Variants in SLC2A11 observed in about 807,000 individuals in gnomAD.
SLC2A11 encodes solute carrier family 2 member 11, also known as solute carrier family 2, facilitated glucose transporter member 11.
Under a neutral mutation model 52.1 loss-of-function variants are expected in SLC2A11, and 43 were observed. The ratio of observed to expected loss-of-function variants is 0.82; its 90% CI spans 0.65 to 1.06. The LOEUF (loss-of-function observed/expected upper bound fraction) is 1.06. Ranked by LOEUF, SLC2A11 falls within the 50% of genes least tolerant of loss-of-function variation. The pLI is 0.00. For missense variants in SLC2A11, 582 were observed against 654.2 expected (o/e 0.89, Z 1.20); for synonymous variants, 261 against 277.6 (o/e 0.94, Z 0.59).
rs960985825 is a variant in SLC2A11, at chr22:23,869,999, C to T, written c.290+1358C>T. 25 of 717,492 alleles carry T rather than the reference C, an allele frequency of 3.5e-5. No individual in the cohort carries two copies. The Admixed American group carries it at 5.0e-4, about 14-fold the overall frequency. 44.4% of individuals were successfully genotyped at this position (717,492 alleles called of 1,614,324 possible). A position where few individuals can be genotyped will look rare whatever the true frequency, so the allele number is the denominator to read the frequency against. ...GTGGAGTTCTCATGGCCTAATCAAT[C>T]TCCCAAAGGCCCACCTCTAAATACC... On this transcript the variant is annotated intron_variant, in intron 3 of 11. Transcript: ENST00000316185.
At chr22:23,878,570 A>G (rs990954175) in intron 6 of SLC2A11, among the ~76,000 whole-genome samples, 2 of 152,200 alleles carry the variant, frequency 1.3e-5, no homozygotes, top group African/African-American at 4.8e-5. Flanking sequence ...TTAACATTCC[A>G]TTGGCCAAAG....
chr22:23,876,571 T>C (rs1445044298), intron 4 of SLC2A11, among the ~76,000 whole-genome samples: 1 of 152,080 alleles, frequency 6.6e-6, no homozygotes, highest in Non-Finnish European at 1.5e-5. Flanking sequence ...CTGAGGGCAG[T>C]GTAGGTGCCA....
intron 1 of SLC2A11, among the ~76,000 whole-genome samples, chr22:23,859,049 G>T (rs537089806): frequency 1.4e-4 from 21 of 152,214 alleles, no homozygotes; most frequent in Non-Finnish European, 2.9e-4. Flanking sequence ...TGATCTCATT[G>T]AATTCAACGA....
chr22:23,885,213 G>T lies in SLC2A11; in HGVS notation c.*364G>T. 4.9e-6 allele frequency: 2 copies of T among 405,836 alleles called. No individual in the cohort carries two copies. The highest frequency in any genetic ancestry group is 4.1e-5 in the Admixed American group (1 of 24,262). The allele number at this position is 405,836 out of a possible 1,614,324, so 25.1% of individuals were successfully genotyped here. On this transcript the variant is annotated 3_prime_UTR_variant, in exon 12 of 12. Transcript: ENST00000316185. ...TACAAAAAATTTTAAACATTAGCTG[G>T]GCATGGTGGTATGTGCTAACAGCTC...
rs1366519592 is a variant in SLC2A11, at chr22:23,884,967, T to G, written c.*118T>G. On this transcript the variant is annotated 3_prime_UTR_variant, in exon 12 of 12. Transcript: ENST00000316185. This position sits in a 1 kb window ranked among gnomAD's most constrained non-coding sequence, Gnocchi z 4.3. ...TTTAAGGAGTGTTTATTGAGCACCC[T>G]TTGTGTGCAGACATGGCTCCAGGTG... 1 of 802,216 alleles carries G rather than the reference T, an allele frequency of 1.2e-6. No homozygotes were observed. Among genetic ancestry groups the G allele is most frequent in the Non-Finnish European group, 2.0e-6 (1 of 508,308 alleles). 49.7% of individuals were successfully genotyped at this position (802,216 alleles called of 1,614,324 possible).
chr22:23,857,423 A>G, upstream of SLC2A11: 2 of 1,607,770 alleles, frequency 1.2e-6, no homozygotes, highest in African/African-American at 2.7e-5. Flanking sequence ...GCCTGCAGAG[A>G]TGAGCTTGGG....
intron 1 of SLC2A11, among the ~76,000 whole-genome samples, chr22:23,861,099 C>T (rs934294820): frequency 2.1e-4 from 32 of 152,054 alleles, no homozygotes; most frequent in African/African-American, 7.7e-4. Context: ...CCCGCCTCGG[C>T]CTCCCAAAGT....
At chr22:23,862,273 G>A (rs1358608756) in intron 2 of SLC2A11, 71 bp downstream of exon 2, 1 of 1,432,618 alleles carries the variant, frequency 7.0e-7, no homozygotes, top group Non-Finnish European at 9.8e-7. Flanking sequence ...CCACTGAGGG[G>A]CTTCAGCCAG....
intron 1 of SLC2A11, among the ~76,000 whole-genome samples, chr22:23,859,569 C>A (rs1371058030): frequency 6.6e-6 from 1 of 152,122 alleles, no homozygotes; most frequent in Non-Finnish European, 1.5e-5. Context: ...CTTACTGCAA[C>A]CTCCGCCTCC....
At chr22:23,857,170 G>C, upstream of SLC2A11, 1 of 964,384 alleles carries the variant, frequency 1.0e-6, no homozygotes, top group South Asian at 1.6e-5. Context: ...CCGAGGTTCT[G>C]GCGGCCGGCA....
chr22:23,873,608 G>A (rs1408403219), intron 3 of SLC2A11, among the ~76,000 whole-genome samples: 1 of 152,104 alleles, frequency 6.6e-6, no homozygotes, highest in African/African-American at 2.4e-5. Flanking sequence ...GCACCCAGCT[G>A]CTGCTATATA....
At chr22:23,882,396 C>T in intron 6 of SLC2A11, 63 bp from the exon 7 acceptor site, 1 of 1,409,482 alleles carries the variant, frequency 7.1e-7, no homozygotes, top group Non-Finnish European at 9.4e-7. Context: ...GGGGGGCGTC[C>T]CTGTAGGGGG....
Position 23,862,155 on chromosome 22 carries a change from A to T in SLC2A11, c.82A>T (p.Thr28Ser). ...CATCTGCGCTGCCGGCATTGGTGGG[A>T]CTTTTCAGTTTGGCTATAACCTCTC... is the stretch of plus-strand genomic sequence containing the variant. ...LTICAAGIGGTFQFGYNLSII... is the reference protein window; with the variant it reads ...LTICAAGIGGSFQFGYNLSII... The change falls in exon 2 of 12, where the codon ACT becomes TCT. Residue 28 changes from threonine to serine, a missense_variant. By Grantham distance (58) the Thr-to-Ser change is moderately conservative. Transcript: ENST00000316185. 1 of 1,613,858 alleles carries T rather than the reference A, an allele frequency of 6.2e-7. No individual in the cohort carries two copies. Among genetic ancestry groups the T allele is most frequent in the Non-Finnish European group, 8.5e-7 (1 of 1,179,942 alleles).
In SLC2A11 at chr22:23,882,870, G is replaced by GT. The variant is rs768099439; in HGVS notation, c.993+2dup. 14 of 1,608,596 alleles carry GT rather than the reference G, an allele frequency of 8.7e-6. No homozygotes were observed. In the East Asian group the frequency reaches 3.1e-4, roughly 36 times the overall value. On this transcript the variant is annotated splice_donor_variant, in intron 8 of 11. Transcript: ENST00000316185. LOFTEE classifies it high-confidence loss of function. ...CGAGCTGCTCACGGCGGTTGTTAGTGTGAGTCTGGAGGGTGCCCTTCCTCC... is the reference window on the plus strand; with the variant it reads ...CGAGCTGCTCACGGCGGTTGTTAGTGTTGAGTCTGGAGGGTGCCCTTCCTCC...
chr22:23,857,070 G>T, upstream of SLC2A11: 3 of 1,068,828 alleles, frequency 2.8e-6, no homozygotes, highest in Admixed American at 2.7e-5. Flanking sequence ...AAGTGTGTGT[G>T]TGTGGGGGGG....
At chr22:23,857,552 AC>A (rs757441891), upstream of SLC2A11, 15 of 1,595,448 alleles carry the variant, frequency 9.4e-6, no homozygotes, top group Non-Finnish European at 1.3e-5. Context: ...AGCGGCGGCG[AC>A]AAACCCCGCG....
rs72660220 is a variant in SLC2A11, at chr22:23,884,884, T to C, written c.*35T>C. The C allele has an allele frequency of 2.4e-3, 3,838 of 1,584,056 alleles. 95 individuals carry two copies. In the African/African-American group the frequency reaches 0.047, roughly 19 times the overall value. ...GGTGGCCAGAGCCAAAGCCAGCTAC[T>C]GTCCTGTCCTCTGCTTCCTGCCAGG... On this transcript the variant is annotated 3_prime_UTR_variant, in exon 12 of 12. Coordinates refer to ENST00000316185, the MANE Select transcript of SLC2A11 (RefSeq NM_001024939.4). The surrounding 1 kb of genome is among the most constrained non-coding windows in gnomAD (Gnocchi z 4.3).
intron 8 of SLC2A11, 154 bp downstream of exon 8, chr22:23,883,023 G>A (rs2032882019): frequency 2.7e-6 from 2 of 742,866 alleles, no homozygotes; most frequent in South Asian, 1.5e-5. Context: ...CACTTTGGGA[G>A]GCCGAGGTGG....
Position 23,884,614 on chromosome 22 carries a change from A to C in SLC2A11, c.1300-35A>C, listed in dbSNP as rs67227754. ...GCCTTCTGTTTAGGGGTTGATGGAG[A>C]CACACCAGGTCTTGGGGTCTTTTTT... On this transcript the variant is annotated intron_variant, in intron 11 of 11. Coordinates refer to ENST00000316185, the MANE Select transcript of SLC2A11 (RefSeq NM_001024939.4). This position sits in a 1 kb window ranked among gnomAD's most constrained non-coding sequence, Gnocchi z 4.3. 7,994 of 1,593,884 alleles carry C rather than the reference A, an allele frequency of 5.0e-3. 286 individuals carry two copies. In the African/African-American group the frequency reaches 0.082, roughly 16 times the overall value.
Sources: gnomAD v4.1 joint callset for allele counts (sites outside exome capture counted in the v4.1 genomes callset) on GRCh38, gnomAD v4.1.1 for gene constraint, Gnocchi (gnomAD v3.1) non-coding constraint, MANE v1.5 for transcripts, NCBI Gene and HGNC (gene_info 2026-07-23, HGNC 2026-07-21) for gene names.